CENPP: variants seen among roughly 807,000 people sequenced by gnomAD.
The protein encoded by CENPP is centromere protein P.
A neutral mutation model predicts 35.6 loss-of-function variants in CENPP; 24 were observed. That is an observed-to-expected ratio of 0.67 (90% CI 0.49 to 0.95). The LOEUF (loss-of-function observed/expected upper bound fraction) is 0.95. Among genes scored for constraint, CENPP ranks in the 40% least tolerant of loss-of-function variants. The pLI is 0.00. For missense variants in CENPP, 332 were observed against 345.3 expected (o/e 0.96, Z 0.31); for synonymous variants, 120 against 125.5 (o/e 0.96, Z 0.29).
At chr9:92,393,180 A>G in intron 5 of CENPP, 1 of 1,613,888 alleles carries the variant, frequency 6.2e-7, no homozygotes, top group Non-Finnish European at 8.5e-7. Flanking sequence ...GTACAGCATC[A>G]ATGTCAACTT....
chr9:92,452,067 T>C (rs1367659522), intron 5 of CENPP, among the ~76,000 whole-genome samples: 1 of 146,622 alleles, frequency 6.8e-6, no homozygotes, highest in Non-Finnish European at 1.5e-5. Context: ...GACTTCCTCT[T>C]TTCCTAATTG....
intron 5 of CENPP, among the ~76,000 whole-genome samples, chr9:92,431,166 T>C (rs1844099433): frequency 6.6e-6 from 1 of 152,214 alleles, no homozygotes; most frequent in Admixed American, 6.5e-5. Context: ...ACAGTGCTTG[T>C]TAAGTATGAG....
intron 5 of CENPP, chr9:92,466,443 T>G: frequency 1.2e-6 from 2 of 1,610,376 alleles, no homozygotes; most frequent in Non-Finnish European, 1.7e-6. Context: ...GTTCTGCTAA[T>G]GATTTGGGAA....
chr9:92,358,960 T>TTG (rs1841666220), intron 4 of CENPP, among the ~76,000 whole-genome samples: 1 of 149,936 alleles, frequency 6.7e-6, no homozygotes, highest in Non-Finnish European at 1.5e-5. Context: ...TTCTTTTTTT[T>TTG]TTTTTTGAGA....
intron 5 of CENPP, among the ~76,000 whole-genome samples, chr9:92,565,373 A>C (rs1849944893): frequency 4.0e-5 from 6 of 151,582 alleles, no homozygotes; most frequent in Admixed American, 4.0e-4. Context: ...CCTCATTCAA[A>C]GTCATCCTGG....
chr9:92,368,027 A>G (rs912394127), intron 4 of CENPP, among the ~76,000 whole-genome samples: 2 of 152,198 alleles, frequency 1.3e-5, no homozygotes, highest in African/African-American at 2.4e-5. Context: ...GTGATACTAC[A>G]CTGCATACAT....
chr9:92,619,763 C>G lies in CENPP; in HGVS notation c.*6614C>G, dbSNP rs886641318. On this transcript the variant is annotated 3_prime_UTR_variant, in exon 8 of 8. Coordinates refer to ENST00000375587, the MANE Select transcript of CENPP (RefSeq NM_001012267.3). The stretch of plus-strand genomic sequence containing the variant: ...GCACCTGGGCCAGCCCTCAGTGCCA[C>G]GGGGCTGCTCAGAGGCCAGCACCGC... 2.5e-5 allele frequency: 15 copies of G among 596,206 alleles called. No individual in the cohort carries two copies. Among genetic ancestry groups the G allele is most frequent in the African/African-American group, 1.8e-4 (10 of 54,240 alleles). The allele number at this position is 596,206 out of a possible 1,614,324, so 36.9% of individuals were successfully genotyped here.
chr9:92,460,571 A>T (rs758421977), intron 5 of CENPP: 62 of 1,489,740 alleles, frequency 4.2e-5, no homozygotes, highest in Non-Finnish European at 5.8e-5. Context: ...GGTAAGCCTA[A>T]TAAGAAGAGA....
At chr9:92,483,141 A>G (rs973523060) in intron 5 of CENPP, among the ~76,000 whole-genome samples, 7 of 152,182 alleles carry the variant, frequency 4.6e-5, no homozygotes, top group Non-Finnish European at 1.5e-5. Flanking sequence ...TATTTCCTGA[A>G]AATAAATCAT....
chr9:92,438,739 G>A (rs1190358382), intron 5 of CENPP, among the ~76,000 whole-genome samples: 1 of 152,220 alleles, frequency 6.6e-6, no homozygotes. Flanking sequence ...GATCACTTGA[G>A]GTCAGGAGTT....
rs1288906934 is a variant in CENPP, at chr9:92,615,593, C to CACTT, written c.*2445_*2448dup. On this transcript the variant is annotated 3_prime_UTR_variant, in exon 8 of 8. Coordinates refer to ENST00000375587, the MANE Select transcript of CENPP (RefSeq NM_001012267.3). ...GAACGTCTTCCCAGGGCTTAACGGA[C>CACTT]ACTTCCATTTTAAGAGTGTGAGCAG... The CACTT allele has an allele frequency of 4.0e-6, 2 of 499,144 alleles. No individual in the cohort carries two copies. The highest frequency in any genetic ancestry group is 3.9e-5 in the African/African-American group (2 of 51,696). 30.9% of individuals were successfully genotyped at this position (499,144 alleles called of 1,614,324 possible).
At chr9:92,496,315 T>C in intron 5 of CENPP, 1 of 1,573,328 alleles carries the variant, frequency 6.4e-7, no homozygotes, top group South Asian at 1.2e-5. Context: ...AAACTTGGAA[T>C]TACTTGATGT....
chr9:92,500,901 A>G (rs1846631216), intron 5 of CENPP: 13 of 1,614,202 alleles, frequency 8.1e-6, no homozygotes, highest in Non-Finnish European at 1.1e-5. Context: ...TGACAGGTAC[A>G]AGTATTCCAG....
intron 5 of CENPP, among the ~76,000 whole-genome samples, chr9:92,448,958 G>T (rs1213671320): frequency 6.6e-6 from 1 of 152,108 alleles, no homozygotes; most frequent in South Asian, 2.1e-4. Context: ...GAAGATGGAG[G>T]GTAGGTTAGT....
chr9:92,445,635 A>G (rs1844533404), intron 5 of CENPP, among the ~76,000 whole-genome samples: 1 of 152,104 alleles, frequency 6.6e-6, no homozygotes, highest in Non-Finnish European at 1.5e-5. Flanking sequence ...TGTAATCTCA[A>G]CACTTTGGGA....
At chr9:92,539,672 T>A (rs893596514) in intron 5 of CENPP, among the ~76,000 whole-genome samples, 2 of 151,468 alleles carry the variant, frequency 1.3e-5, no homozygotes, top group African/African-American at 4.9e-5. Context: ...AGGGGAGGAG[T>A]AGTATGGACT....
intron 5 of CENPP, among the ~76,000 whole-genome samples, chr9:92,549,249 G>A (rs932726636): frequency 2.6e-4 from 39 of 152,156 alleles, no homozygotes; most frequent in Admixed American, 2.1e-3. Flanking sequence ...CAAGCAGGCC[G>A]ATTTGGACTT....
chr9:92,401,214 A>G (rs1176395154), intron 5 of CENPP: 8 of 942,470 alleles, frequency 8.5e-6, no homozygotes, highest in Non-Finnish European at 1.4e-5. Context: ...TTTGTTACCT[A>G]GCTTCATTAA....
At chr9:92,445,940 T>C (rs955433357) in intron 5 of CENPP, among the ~76,000 whole-genome samples, 9 of 152,194 alleles carry the variant, frequency 5.9e-5, no homozygotes, top group Non-Finnish European at 1.3e-4. Flanking sequence ...TATGAAATGA[T>C]TGGTTATAAA....
Sources: allele counts gnomAD v4.1 joint callset (sites outside exome capture counted in the v4.1 genomes callset), GRCh38; gene constraint gnomAD v4.1.1; transcripts MANE v1.5; gene names NCBI Gene and HGNC (gene_info 2026-07-23, HGNC 2026-07-21).